Variants in SOAT1 observed in about 807,000 individuals in gnomAD.
SOAT1 encodes acyl-coenzyme A:cholesterol acyltransferase 1.
A neutral mutation model predicts 69.5 loss-of-function variants in SOAT1; 55 were observed. That is an observed-to-expected ratio of 0.79 (90% confidence interval 0.64 to 0.99). The LOEUF is 0.99. SOAT1 is among the 50% of genes least tolerant of loss of function. The pLI is 0.00. For synonymous variants in SOAT1, 231 were observed against 224.7 expected (o/e 1.03, Z -0.25); for missense variants, 580 against 669.3 (o/e 0.87, Z 1.47).
chr1:179,307,203 C>G lies in SOAT1; in HGVS notation c.118+4401C>G, dbSNP rs75410914. Among the ~76,000 whole-genome samples the G allele has an allele frequency of 6.9e-3, 1,051 of 152,266 alleles. 17 individuals carry two copies. The highest frequency in any genetic ancestry group is 0.024 in the African/African-American group (1,005 of 41,542). On this transcript the variant is annotated intron_variant, in intron 2 of 15. Coordinates refer to ENST00000367619, the MANE Select transcript of SOAT1 (RefSeq NM_003101.6). ...TGCTGCTGCCACTTGTAATCCTCAT[C>G]ATGACAATGTTGGGTAAGACATTTC...
intron 3 of SOAT1, among the ~76,000 whole-genome samples, chr1:179,333,182 T>C (rs1408228515): frequency 1.3e-5 from 2 of 152,036 alleles, no homozygotes; most frequent in African/African-American, 4.8e-5. Flanking sequence ...GGGGGAGAGG[T>C]TGGAACAATG....
At chr1:179,306,269 A>G (rs1409003559) in intron 2 of SOAT1, among the ~76,000 whole-genome samples, 1 of 152,192 alleles carries the variant, frequency 6.6e-6, no homozygotes, top group African/African-American at 2.4e-5. Flanking sequence ...GCTAGTGGGT[A>G]GTGGCCCTTG....
chr1:179,313,538 GTGTGTATATA>G (rs1003244940), intron 2 of SOAT1, among the ~76,000 whole-genome samples: 46 of 145,600 alleles, frequency 3.2e-4, no homozygotes, highest in African/African-American at 1.0e-3. Context: ...ATATGTATAT[GTGTGTATATA>G]TGTGTATATA....
chr1:179,335,742 G>A, intron 4 of SOAT1, 85 bp downstream of exon 4: 1 of 1,321,650 alleles, frequency 7.6e-7, no homozygotes, highest in South Asian at 1.6e-5. Flanking sequence ...ATATGCTTGA[G>A]TTCACACCCT....
intron 2 of SOAT1, among the ~76,000 whole-genome samples, chr1:179,312,103 G>C (rs985663530): frequency 1.3e-5 from 2 of 152,174 alleles, no homozygotes; most frequent in Non-Finnish European, 2.9e-5. Flanking sequence ...AGTGGAAAAG[G>C]TTTCCAACTA....
chr1:179,294,955 T>TTTAA (rs1394887032), intron 1 of SOAT1, among the ~76,000 whole-genome samples: 1 of 152,206 alleles, frequency 6.6e-6, no homozygotes, highest in East Asian at 1.9e-4. Context: ...TTTTTTTTCT[T>TTTAA]TTTAAAAGTT....
chr1:179,351,576 A>G, intron 15 of SOAT1, 114 bp downstream of exon 15: 2 of 953,350 alleles, frequency 2.1e-6, no homozygotes, highest in South Asian at 1.7e-5. Context: ...TTAGTGTTAA[A>G]GAGAGGGAAA....
intron 3 of SOAT1, among the ~76,000 whole-genome samples, chr1:179,329,841 G>A (rs1040560462): frequency 6.6e-6 from 1 of 152,156 alleles, no homozygotes; most frequent in Non-Finnish European, 1.5e-5. Flanking sequence ...TTAAGATTGG[G>A]TTTTGCTGTA....
At chr1:179,330,677 A>C (rs1665940903) in intron 3 of SOAT1, among the ~76,000 whole-genome samples, 1 of 152,250 alleles carries the variant, frequency 6.6e-6, no homozygotes, top group Admixed American at 6.5e-5. Context: ...GGCTAGAAGC[A>C]TGATGGAGTC....
In SOAT1 at chr1:179,317,532, C is replaced by CAAAA. The variant is rs61402247; in HGVS notation, c.119-5891_119-5888dup. On this transcript the variant is annotated intron_variant, in intron 2 of 15. Coordinates refer to ENST00000367619, the MANE Select transcript of SOAT1 (RefSeq NM_003101.6). The stretch of plus-strand genomic sequence containing the variant: ...TGGGTGACAGAGCGAGACTCCGTCT[C>CAAAA]AAAAAAAAAAAAAAAAATACTTAAG... Among the ~76,000 whole-genome samples, 908 of 106,220 alleles carry CAAAA rather than the reference C, an allele frequency of 8.5e-3. 17 individuals are homozygous for CAAAA. Among genetic ancestry groups the CAAAA allele is most frequent in the African/African-American group, 0.026 (687 of 26,446 alleles). 69.7% of individuals were successfully genotyped at this position (106,220 alleles called of 152,430 possible).
intron 2 of SOAT1, among the ~76,000 whole-genome samples, chr1:179,315,521 C>T (rs1325183404): frequency 6.6e-6 from 1 of 150,822 alleles, no homozygotes; most frequent in African/African-American, 2.4e-5. Context: ...TTGACTTTGA[C>T]ATCTAATTTT....
In SOAT1 at chr1:179,356,138, T is replaced by G. The variant is rs749442816; in HGVS notation, c.*2497T>G. 6.6e-6 allele frequency: 1 copy of G among 152,256 alleles called. No homozygotes were observed. Among genetic ancestry groups the G allele is most frequent in the Non-Finnish European group, 1.5e-5 (1 of 68,050 alleles). 9.4% of individuals were successfully genotyped at this position (152,256 alleles called of 1,614,324 possible). A position where few individuals can be genotyped will look rare whatever the true frequency, so the allele number is the denominator to read the frequency against. ...TTTGCTATTGTGGCGAAAATTATTTTCAGTTATAGGATACTTTTTTCCTTC... is the reference window on the plus strand; with the variant it reads ...TTTGCTATTGTGGCGAAAATTATTTGCAGTTATAGGATACTTTTTTCCTTC... On this transcript the variant is annotated 3_prime_UTR_variant, in exon 16 of 16. Transcript: ENST00000367619.
At chr1:179,350,873 C>G (rs1327425356) in intron 14 of SOAT1, among the ~76,000 whole-genome samples, 1 of 152,008 alleles carries the variant, frequency 6.6e-6, no homozygotes. Flanking sequence ...GATTTTAACA[C>G]TGAAGCTTTA....
rs2124997548 is a variant in SOAT1 at position 179,344,970 on chromosome 1, G to A, written c.1011G>A (p.Val337=). 6.2e-7 allele frequency: 1 copy of A among 1,613,964 alleles called. No homozygotes were observed. Among genetic ancestry groups the A allele is most frequent in the Non-Finnish European group, 8.5e-7 (1 of 1,179,908 alleles). ...FAQVFGCFFY[V]YYIFERLCAP... is the part of the protein sequence containing the mutation. The stretch of plus-strand genomic sequence containing the variant: ...AGGTCTTTGGTTGCTTTTTCTATGT[G>A]TACTACATCTTTGAAAGGCTTTGTG... The change falls in exon 11 of 16, where the codon GTG becomes GTA. Residue 337 remains valine (V), a synonymous_variant. Transcript: ENST00000367619.
intron 12 of SOAT1, 133 bp downstream of exon 12, chr1:179,347,830 T>C (rs1489585784): frequency 3.4e-6 from 2 of 582,784 alleles, no homozygotes; most frequent in African/African-American, 3.8e-5. Flanking sequence ...TCTACAAGTT[T>C]TGCCAGTATT....
intron 3 of SOAT1, among the ~76,000 whole-genome samples, chr1:179,325,146 A>ACTTT (rs1665737721): frequency 2.3e-5 from 2 of 85,772 alleles, no homozygotes; most frequent in Non-Finnish European, 4.9e-5. Context: ...TTTAGTGACT[A>ACTTT]ATTTTTTTTT....
rs542308888 is a variant in SOAT1 at position 179,333,146 on chromosome 1, G to A, written c.178-2360G>A. On this transcript the variant is annotated intron_variant, in intron 3 of 15. Coordinates refer to ENST00000367619, the MANE Select transcript of SOAT1 (RefSeq NM_003101.6). ...AATTTTTATTGTACATTGTTTTATT[G>A]TTCCTCATAGGTTAGCTCAGACTGA... 2.0e-5 allele frequency among the ~76,000 whole-genome samples: 3 copies of A among 152,230 alleles called. No individual in the cohort carries two copies. In the East Asian group the frequency reaches 5.8e-4, roughly 29 times the overall value.
rs200685468 is a variant in SOAT1, at chr1:179,353,729, T to G, written c.*88T>G. The G allele has an allele frequency of 3.0e-5, 35 of 1,158,710 alleles. No individual in the cohort carries two copies. The East Asian group carries it at 8.0e-4, about 26-fold the overall frequency. The allele number at this position is 1,158,710 out of a possible 1,614,324, so 71.8% of individuals were successfully genotyped here. On this transcript the variant is annotated 3_prime_UTR_variant, in exon 16 of 16. Transcript: ENST00000367619. ...CTGTTTCCAGTTGTTACTGAAGTTA[T>G]CTGTGTTATTTGGACCACTCCAGGC...
In SOAT1 at chr1:179,323,448, A is replaced by G. The variant is rs1665676498; in HGVS notation, c.130A>G (p.Ile44Val). The G allele has an allele frequency of 3.7e-6, 6 of 1,613,830 alleles. No homozygotes were observed. The highest frequency in any genetic ancestry group is 1.3e-5 in the African/African-American group (1 of 74,946). The change falls in exon 3 of 16, where the codon ATA becomes GTA. Residue 44 changes from isoleucine (I) to valine (V), a missense_variant. Coordinates refer to ENST00000367619, the MANE Select transcript of SOAT1 (RefSeq NM_003101.6). ...LETPSNGRID[I>V]KQLIAKKIKL... ...TTTTCTTCCCGTAGGTCGAATTGAC[A>G]TAAAACAGTTGATAGCAAAGAAGAT... is the stretch of plus-strand genomic sequence containing the variant.
Sources: allele counts gnomAD v4.1 joint callset (sites outside exome capture counted in the v4.1 genomes callset), GRCh38; gene constraint gnomAD v4.1.1; transcripts MANE v1.5; gene names NCBI Gene and HGNC (gene_info 2026-07-23, HGNC 2026-07-21).